The following MPP2 variants were observed in gnomAD, a reference collection of about 807,000 sequenced individuals.
MPP2 encodes MAGUK p55 scaffold protein 2.
MPP2 carries 42 observed loss-of-function variants against 58.5 expected under a neutral mutation model. The ratio of observed to expected loss-of-function variants is 0.72; its 90% CI spans 0.56 to 0.93. The LOEUF is 0.93. Ranked by LOEUF, MPP2 falls within the 40% of genes least tolerant of loss-of-function variation. MPP2 has a pLI of 0.00. For missense variants in MPP2, 632 were observed against 760.4 expected, an observed-to-expected ratio of 0.83 and a Z score of 1.99; for synonymous variants, 300 against 307.8, an observed-to-expected ratio of 0.97 and a Z score of 0.26.
chr17:43,887,639 T>A (rs1258901312), intron 3 of MPP2, among the ~76,000 whole-genome samples: 1 of 152,054 alleles, frequency 6.6e-6, no homozygotes, highest in Non-Finnish European at 1.5e-5. Context: ...GATGTTCCAA[T>A]ACCATTTATT....
Position 43,904,508 on chromosome 17 carries a change from G to C in MPP2, c.-33-15C>G. 6.2e-7 allele frequency: 1 copy of C among 1,612,374 alleles called. No homozygotes were observed. Among genetic ancestry groups the C allele is most frequent in the Non-Finnish European group, 8.5e-7 (1 of 1,178,606 alleles). Reference sequence around the variant, plus strand: ...AAACGTCTCTCCTGGAGAGGGGAGAGAGGAGGATGAGCAGATACAAGGGCA... The same window carrying C: ...AAACGTCTCTCCTGGAGAGGGGAGACAGGAGGATGAGCAGATACAAGGGCA... On this transcript the variant is annotated splice_polypyrimidine_tract_variant and intron_variant, in intron 1 of 12. Transcript: ENST00000269095.
At chr17:43,902,628 G>C (rs984986798) in intron 2 of MPP2, among the ~76,000 whole-genome samples, 1 of 152,170 alleles carries the variant, frequency 6.6e-6, no homozygotes, top group African/African-American at 2.4e-5. Context: ...CCACAGTTTA[G>C]GCCCTGGCTC....
upstream of MPP2, among the ~76,000 whole-genome samples, chr17:43,908,165 T>G (rs2048361789): frequency 6.6e-6 from 1 of 152,164 alleles, no homozygotes; most frequent in Non-Finnish European, 1.5e-5. Context: ...AATAAAGAAG[T>G]AACTGGCTAG....
At chr17:43,884,017 T>C (rs973847457) in intron 3 of MPP2, 5 of 688,662 alleles carry the variant, frequency 7.3e-6, no homozygotes, top group African/African-American at 1.8e-5. Context: ...TTCAATAATA[T>C]ATATGAAGAC....
At position 43,883,087 on chromosome 17, in the gene MPP2, C is replaced by T. The variant is rs778974749; in HGVS notation, c.304-35G>A. 8 of 1,588,190 alleles carry T rather than the reference C, an allele frequency of 5.0e-6. No homozygotes were observed. In the African/African-American group the frequency reaches 9.4e-5, roughly 19 times the overall value. ...GGTGGGAAGAGAAGGGACAATGGGG[C>T]AGTGTCCCGGGTCTCTTCCCATCCC... On this transcript the variant is annotated intron_variant, in intron 4 of 12. Transcript: ENST00000269095.
At chr17:43,907,151 C>A in intron 1 of MPP2, 1 of 984,700 alleles carries the variant, frequency 1.0e-6, no homozygotes, top group South Asian at 4.7e-5. Flanking sequence ...TTCTAAGTAC[C>A]CCCAACCCGC....
chr17:43,902,009 G>A (rs1243750721), intron 2 of MPP2, among the ~76,000 whole-genome samples: 6 of 152,116 alleles, frequency 3.9e-5, no homozygotes, highest in African/African-American at 1.4e-4. Flanking sequence ...TCAGAGGCAG[G>A]GACACAGCTG....
rs111324257 is a variant in MPP2, at chr17:43,881,680, C to CG, written c.682-92_682-91insC. 9.8e-3 allele frequency: 14,632 copies of CG among 1,492,362 alleles called. 389 individuals are homozygous for CG. The African/African-American group carries it at 0.098, about 10-fold the overall frequency. The allele number at this position is 1,492,362 out of a possible 1,614,324, so 92.4% of individuals were successfully genotyped here. On this transcript the variant is annotated intron_variant, in intron 6 of 12. Coordinates refer to ENST00000269095, the MANE Select transcript of MPP2 (RefSeq NM_005374.5). The stretch of plus-strand genomic sequence containing the variant: ...CCCATGCCCCCTCTTTTCACAGAGA[C>CG]TAAGGGGCAATGGAACTGTCCCCCT...
chr17:43,896,987 C>T (rs978803264), intron 3 of MPP2, among the ~76,000 whole-genome samples: 2 of 152,174 alleles, frequency 1.3e-5, no homozygotes, highest in Non-Finnish European at 2.9e-5. Flanking sequence ...TTACTGTACC[C>T]TAGCCCTTAC....
intron 3 of MPP2, among the ~76,000 whole-genome samples, chr17:43,885,714 GT>G (rs1315617867): frequency 6.6e-6 from 1 of 152,074 alleles, no homozygotes; most frequent in East Asian, 1.9e-4. Context: ...AAATCTATTA[GT>G]AAAAATCAGC....
intron 12 of MPP2, 39 bp from the exon 13 acceptor site, chr17:43,878,022 C>T (rs1330566262): frequency 5.7e-6 from 9 of 1,578,654 alleles, no homozygotes; most frequent in African/African-American, 1.3e-5. Flanking sequence ...AGTCAGTGCC[C>T]ACAACTCACC....
At chr17:43,888,858 CA>C (rs1476493735) in intron 3 of MPP2, among the ~76,000 whole-genome samples, 4 of 152,184 alleles carry the variant, frequency 2.6e-5, no homozygotes, top group Non-Finnish European at 5.9e-5. Context: ...AGCTCAACCT[CA>C]TAGCCCAGAG....
At chr17:43,907,780 G>C, upstream of MPP2, 1 of 985,488 alleles carries the variant, frequency 1.0e-6, no homozygotes, top group Non-Finnish European at 1.2e-6. Context: ...AGTACCCGCT[G>C]GTGCCCCTCG....
At chr17:43,885,132 A>G (rs915141209) in intron 3 of MPP2, among the ~76,000 whole-genome samples, 1 of 152,012 alleles carries the variant, frequency 6.6e-6, no homozygotes, top group African/African-American at 2.4e-5. Context: ...CAAAAAAAAA[A>G]AAAAAAAAGA....
intron 3 of MPP2, among the ~76,000 whole-genome samples, chr17:43,885,175 C>T (rs957761056): frequency 4.6e-5 from 7 of 150,902 alleles, no homozygotes; most frequent in African/African-American, 9.7e-5. Context: ...CCACCTTACT[C>T]CTCTTTCTCT....
chr17:43,890,037 C>T (rs949068570), intron 3 of MPP2, among the ~76,000 whole-genome samples: 4 of 151,932 alleles, frequency 2.6e-5, no homozygotes, highest in African/African-American at 9.7e-5. Context: ...TGGTCTCGAT[C>T]TCCTGAACTG....
At chr17:43,878,458 A>C (rs957722185) in intron 12 of MPP2, among the ~76,000 whole-genome samples, 5 of 152,162 alleles carry the variant, frequency 3.3e-5, no homozygotes, top group Admixed American at 2.6e-4. Flanking sequence ...CCCTCGACCC[A>C]GTGGAAGCTG....
chr17:43,885,435 T>C (rs536995981), intron 3 of MPP2, among the ~76,000 whole-genome samples: 37 of 152,310 alleles, frequency 2.4e-4, no homozygotes, highest in African/African-American at 8.9e-4. Context: ...TGATTCCTTT[T>C]AGCAGGAGAT....
At chr17:43,894,616 GA>G (rs36073194) in intron 3 of MPP2, among the ~76,000 whole-genome samples, 4,810 of 65,994 alleles carry the variant, frequency 0.073, 289 homozygotes, top group African/African-American at 0.25. Context: ...GACTCCAGAG[GA>G]AAAAAAAAAA....
Sources: allele counts gnomAD v4.1 joint callset (sites outside exome capture counted in the v4.1 genomes callset), GRCh38; gene constraint gnomAD v4.1.1; transcripts MANE v1.5; gene names NCBI Gene and HGNC (gene_info 2026-07-23, HGNC 2026-07-21).